The following KAT14 variants were observed in gnomAD, a reference collection of about 807,000 sequenced individuals.
The protein encoded by KAT14 is cysteine-rich protein 2-binding protein.
In KAT14, 66 loss-of-function variants were observed where a neutral mutation model predicts 78.4. The ratio of observed to expected loss-of-function variants is 0.84; its 90% CI spans 0.69 to 1.03. The LOEUF (loss-of-function observed/expected upper bound fraction) is 1.03. Ranked by LOEUF, KAT14 falls within the 50% of genes least tolerant of loss-of-function variation. The probability of loss-of-function intolerance (pLI) is 0.00; values close to 1 mark genes in which losing one functional copy is unlikely to be tolerated. For synonymous variants in KAT14, 344 were observed against 359.4 expected, an observed-to-expected ratio of 0.96 and a Z score of 0.48; for missense variants, 870 against 972.5, an observed-to-expected ratio of 0.89 and a Z score of 1.40.
intron 7 of KAT14, among the ~76,000 whole-genome samples, chr20:18,168,835 T>A (rs1387362721): frequency 6.6e-6 from 1 of 152,202 alleles, no homozygotes; most frequent in Non-Finnish European, 1.5e-5. Flanking sequence ...CCTTCCTGAA[T>A]GTGTGGTTTG....
intron 7 of KAT14, among the ~76,000 whole-genome samples, chr20:18,181,318 A>G (rs1315172658): frequency 6.6e-6 from 1 of 151,194 alleles, no homozygotes; most frequent in East Asian, 1.9e-4. Context: ...AAAATATGAT[A>G]CTAATTATAT....
chr20:18,172,707 T>A (rs569102386), intron 7 of KAT14, among the ~76,000 whole-genome samples: 1 of 152,368 alleles, frequency 6.6e-6, no homozygotes, highest in East Asian at 1.9e-4. Flanking sequence ...CCCAGTCCAG[T>A]AGCTGTAACA....
chr20:18,162,370 T>C lies in KAT14; in HGVS notation c.1100-7T>C, dbSNP rs143143191. 483 of 1,610,214 alleles carry C rather than the reference T, an allele frequency of 3.0e-4. 2 individuals are homozygous for C. In the African/African-American group the frequency reaches 4.6e-3, roughly 15 times the overall value. On this transcript the variant is annotated splice_region_variant and splice_polypyrimidine_tract_variant and intron_variant, in intron 6 of 10. Transcript: ENST00000688188. ...GTCTTGATGACACTGTTTTGTACTC[T>C]GCACAGATGACGATGAGATGGAAGG...
intron 3 of KAT14, among the ~76,000 whole-genome samples, chr20:18,147,904 G>C (rs1359054634): frequency 1.3e-5 from 2 of 152,184 alleles, no homozygotes; most frequent in Non-Finnish European, 2.9e-5. Flanking sequence ...TATTTAATTA[G>C]ACTAACATAA....
chr20:18,139,230 GT>G (rs1280052724), intron 1 of KAT14, among the ~76,000 whole-genome samples: 2 of 152,208 alleles, frequency 1.3e-5, no homozygotes, highest in Non-Finnish European at 2.9e-5. Context: ...GGATTAAAAT[GT>G]GCTCCTAAGG....
chr20:18,187,616 A>G lies in KAT14; in HGVS notation c.*157A>G. ...AGTGAGAAAAGCGGCATGCAGTGAA[A>G]TGAGCAGTGAGCAGCCCTTTAGCAA... On this transcript the variant is annotated 3_prime_UTR_variant, in exon 11 of 11. Transcript: ENST00000688188. The G allele has an allele frequency of 2.4e-6, 3 of 1,275,750 alleles. No homozygotes were observed. Among genetic ancestry groups the G allele is most frequent in the Non-Finnish European group, 3.2e-6 (3 of 949,708 alleles). 79.0% of individuals were successfully genotyped at this position (1,275,750 alleles called of 1,614,324 possible).
rs58888387 is a variant in KAT14 at position 18,141,051 on chromosome 20, T to TTTTTTTTTTTTTTTG, written c.-453-1156_-453-1155insTTTTTTTTTTTTTGT. Among the ~76,000 whole-genome samples the TTTTTTTTTTTTTTTG allele has an allele frequency of 2.5e-3, 273 of 109,636 alleles. 2 individuals are homozygous for TTTTTTTTTTTTTTTG. The highest frequency in any genetic ancestry group is 5.3e-3 in the Middle Eastern group (1 of 190). 71.9% of individuals were successfully genotyped at this position (109,636 alleles called of 152,430 possible). On this transcript the variant is annotated intron_variant, in intron 1 of 10. Transcript: ENST00000688188. ...TTTTTTTTTTTTTTTTTTTTTATTT[T>TTTTTTTTTTTTTTTG]TATTTTTGCTAGAGATGGGATTTTG... is the stretch of plus-strand genomic sequence containing the variant.
chr20:18,147,264 TGAA>T (rs1478162047), intron 3 of KAT14, among the ~76,000 whole-genome samples: 2 of 152,108 alleles, frequency 1.3e-5, no homozygotes, highest in African/African-American at 4.8e-5. Context: ...AAGTAGAAAA[TGAA>T]GAGAAGTTTG....
intron 7 of KAT14, among the ~76,000 whole-genome samples, chr20:18,167,639 AT>A (rs1426293487): frequency 6.6e-6 from 1 of 152,008 alleles, no homozygotes; most frequent in Non-Finnish European, 1.5e-5. Context: ...TATTTTTCTC[AT>A]TATTTCCTCT....
At position 18,187,405 on chromosome 20, in the gene KAT14, C is replaced by G. The variant is rs769348600; in HGVS notation, c.2292C>G (p.Tyr764Ter). 1 of 1,614,178 alleles carries G rather than the reference C, an allele frequency of 6.2e-7. No homozygotes were observed. Among genetic ancestry groups the G allele is most frequent in the South Asian group, 1.1e-5 (1 of 91,068 alleles). Residue 764 changes from tyrosine (Y) to a stop codon, truncating the protein, a stop_gained, in exon 11 of 11, where the codon TAC (tyrosine) becomes TAG (stop). Coordinates refer to ENST00000688188, the MANE Select transcript of KAT14 (RefSeq NM_001392073.1). LOFTEE classifies it high-confidence loss of function. ...EYVLDFYDKY[Y>*]PLESTECKHA... ...TATTAGATTTCTATGATAAATATTA[C>G]CCATTGGAGAGTACAGAGTGTAAAC...
At chr20:18,151,066 C>A in intron 4 of KAT14, 124 bp downstream of exon 4, 1 of 1,329,634 alleles carries the variant, frequency 7.5e-7, no homozygotes, top group Non-Finnish European at 1.0e-6. Context: ...ATAGAGTCTC[C>A]CAGGCTGGAG....
chr20:18,146,771 G>A (rs1019440581), intron 3 of KAT14, among the ~76,000 whole-genome samples: 4 of 152,040 alleles, frequency 2.6e-5, no homozygotes, highest in African/African-American at 9.7e-5. Context: ...CTTGAGCCTG[G>A]GAGGTTGAGG....
rs1382147617 is a variant in KAT14, at chr20:18,183,188, G to A, written c.1871G>A (p.Arg624Lys). Residue 624 changes from arginine to lysine, a missense_variant, in exon 9 of 11, where the codon AGG becomes AAG. Physicochemically the swap from Arg to Lys is conservative, Grantham distance 26. Coordinates refer to ENST00000688188, the MANE Select transcript of KAT14 (RefSeq NM_001392073.1). The part of the protein sequence containing the change: ...LLSQIRSHLH[R>K]SDPHWTPEPD... ...TCACAGATTCGTTCCCACCTGCACA[G>A]GAGCGACCCTCACTGGACGCCGGAG... is the stretch of plus-strand genomic sequence containing the variant. 1 of 1,614,052 alleles carries A rather than the reference G, an allele frequency of 6.2e-7. No homozygotes were observed. Among genetic ancestry groups the A allele is most frequent in the South Asian group, 1.1e-5 (1 of 91,056 alleles).
chr20:18,187,559 GT>G lies in KAT14; in HGVS notation c.*101del, dbSNP rs2039489165. 70 of 1,551,148 alleles carry G rather than the reference GT, an allele frequency of 4.5e-5. 1 individual carries two copies. The South Asian group carries it at 8.0e-4, about 18-fold the overall frequency. On this transcript the variant is annotated 3_prime_UTR_variant, in exon 11 of 11. Transcript: ENST00000688188. ...GATTTCACAGGGAGCTCTAATCTCT[GT>G]GATTACATGGTCCTTCAAACTCCCA...
At chr20:18,171,315 T>C (rs973810935) in intron 7 of KAT14, among the ~76,000 whole-genome samples, 2 of 152,216 alleles carry the variant, frequency 1.3e-5, no homozygotes, top group Admixed American at 1.3e-4. Context: ...TGATAAAACT[T>C]GAATGAATAA....
At chr20:18,171,673 G>A (rs1384139117) in intron 7 of KAT14, among the ~76,000 whole-genome samples, 3 of 152,136 alleles carry the variant, frequency 2.0e-5, no homozygotes, top group African/African-American at 4.8e-5. Context: ...TTAGCCAGGC[G>A]TGGTGGTGTA....
At chr20:18,155,009 C>T (rs560720203) in intron 4 of KAT14, among the ~76,000 whole-genome samples, 155 of 152,260 alleles carry the variant, frequency 1.0e-3, no homozygotes, top group Non-Finnish European at 1.9e-3. Context: ...TACAATGGTA[C>T]ATAAAATTAT....
intron 7 of KAT14, among the ~76,000 whole-genome samples, chr20:18,181,234 G>C (rs6514848): frequency 2.6e-5 from 4 of 151,866 alleles, no homozygotes; most frequent in Admixed American, 1.3e-4. Flanking sequence ...TTATGCAAAG[G>C]TGTCTATAAA....
At chr20:18,139,678 A>AT (rs1471649153) in intron 1 of KAT14, among the ~76,000 whole-genome samples, 11 of 114,200 alleles carry the variant, frequency 9.6e-5, no homozygotes, top group Admixed American at 6.4e-4. Flanking sequence ...GTGTGTGTTT[A>AT]TTTTTTTTCC....
Sources: allele counts gnomAD v4.1 joint callset (sites outside exome capture counted in the v4.1 genomes callset), GRCh38; gene constraint gnomAD v4.1.1; transcripts MANE v1.5; gene names NCBI Gene and HGNC (gene_info 2026-07-23, HGNC 2026-07-21).